NFATC3: variants seen among roughly 807,000 people sequenced by gnomAD.
The protein encoded by NFATC3 is nuclear factor of activated T-cells, cytoplasmic 3.
In NFATC3, 46 loss-of-function variants were observed where a neutral mutation model predicts 98.6. The ratio of observed to expected loss-of-function variants is 0.47; its 90% CI spans 0.37 to 0.60. NFATC3 has a LOEUF of 0.60. NFATC3 is among the 20% of genes least tolerant of loss of function. The pLI, the probability that NFATC3 is intolerant of heterozygous loss-of-function variation, is 0.00. For synonymous variants in NFATC3, 512 were observed against 472.2 expected (o/e 1.08, Z -1.09); for missense variants, 1,256 against 1,295.5 (o/e 0.97, Z 0.47).
chr16:68,118,989 T>A lies in NFATC3; in HGVS notation c.104-2998T>A, dbSNP rs1416533671. Among the ~76,000 whole-genome samples, 3 of 152,144 alleles carry A rather than the reference T, an allele frequency of 2.0e-5. No homozygotes were observed. The East Asian group carries it at 5.8e-4, about 29-fold the overall frequency. On this transcript the variant is annotated intron_variant, in intron 1 of 9. Coordinates refer to ENST00000346183, the MANE Select transcript of NFATC3 (RefSeq NM_173165.3). ...TTCACGCCATTCTCCCACCTCAGCC[T>A]CCCGAGCAGCTGGGACCACAGGCGC...
intron 1 of NFATC3, among the ~76,000 whole-genome samples, chr16:68,086,259 G>T (rs2034368452): frequency 2.0e-5 from 3 of 152,192 alleles, no homozygotes; most frequent in African/African-American, 7.2e-5. Flanking sequence ...TTTGCTAGAA[G>T]AGTAATGCTT....
intron 1 of NFATC3, among the ~76,000 whole-genome samples, chr16:68,092,040 T>C (rs755501488): frequency 2.0e-5 from 3 of 152,228 alleles, no homozygotes; most frequent in Admixed American, 1.3e-4. Flanking sequence ...GTAATTATAT[T>C]GTATGACTTT....
chr16:68,187,182 A>G (rs1318092040), intron 8 of NFATC3, among the ~76,000 whole-genome samples: 2 of 152,216 alleles, frequency 1.3e-5, no homozygotes, highest in Admixed American at 1.3e-4. Flanking sequence ...GTGAGGCTGC[A>G]GCTGGACCAG....
Position 68,190,931 on chromosome 16 carries a change from A to T in NFATC3, c.2262A>T (p.Thr754=), listed in dbSNP as rs1393737061. 1 of 1,614,122 alleles carries T rather than the reference A, an allele frequency of 6.2e-7. No homozygotes were observed. Among genetic ancestry groups the T allele is most frequent in the African/African-American group, 1.3e-5 (1 of 74,944 alleles). The change falls in exon 9 of 10, where the codon ACA becomes ACT. Residue 754 remains threonine (T), a synonymous_variant. Coordinates refer to ENST00000346183, the MANE Select transcript of NFATC3 (RefSeq NM_173165.3). Reference sequence around the variant, plus strand: ...GTTTGATTTGCTCCATCCCACAAACATATGCATCCATGGTGACCTCATCCC... The same window carrying T: ...GTTTGATTTGCTCCATCCCACAAACTTATGCATCCATGGTGACCTCATCCC... The part of the protein sequence containing the change: ...QRSLICSIPQ[T]YASMVTSSHL...
chr16:68,113,299 G>A (rs1427818711), intron 1 of NFATC3, among the ~76,000 whole-genome samples: 5 of 152,154 alleles, frequency 3.3e-5, no homozygotes, highest in Admixed American at 2.6e-4. Context: ...TGTTGTTGTT[G>A]TTGCTTTCTG....
chr16:68,190,961 G>T lies in NFATC3; in HGVS notation c.2292G>T (p.Leu764=), dbSNP rs2040403781. ...TYASMVTSSH[L]PQLQCRDESV... is the part of the protein sequence containing the mutation. The stretch of plus-strand genomic sequence containing the variant: ...CATCCATGGTGACCTCATCCCATCT[G>T]CCACAGTTGCAGTGTAGAGATGAGA... Residue 764 remains leucine (L), a synonymous_variant, in exon 9 of 10, where the codon CTG becomes CTT. Coordinates refer to ENST00000346183, the MANE Select transcript of NFATC3 (RefSeq NM_173165.3). 6.2e-7 allele frequency: 1 copy of T among 1,614,218 alleles called. No individual in the cohort carries two copies. The highest frequency in any genetic ancestry group is 1.7e-5 in the Admixed American group (1 of 60,018).
At chr16:68,211,403 G>T (rs751004972) in intron 9 of NFATC3, among the ~76,000 whole-genome samples, 6 of 151,950 alleles carry the variant, frequency 3.9e-5, no homozygotes, top group Non-Finnish European at 8.8e-5. Flanking sequence ...GGCCAGGATG[G>T]TTTCTATCTC....
At chr16:68,134,013 T>G (rs2037258569) in intron 3 of NFATC3, among the ~76,000 whole-genome samples, 1 of 152,220 alleles carries the variant, frequency 6.6e-6, no homozygotes, top group South Asian at 2.1e-4. Flanking sequence ...ATATAAAAGT[T>G]CTTATTCCTC....
At chr16:68,118,450 A>G (rs1598394596) in intron 1 of NFATC3, among the ~76,000 whole-genome samples, 1 of 152,204 alleles carries the variant, frequency 6.6e-6, no homozygotes, top group Non-Finnish European at 1.5e-5. Context: ...TGGTGAATGA[A>G]TGAGCACCTT....
At chr16:68,129,868 A>G (rs1460291647) in intron 3 of NFATC3, among the ~76,000 whole-genome samples, 1 of 151,822 alleles carries the variant, frequency 6.6e-6, no homozygotes, top group Non-Finnish European at 1.5e-5. Context: ...TTGTGGAGAC[A>G]GTCTTGATTT....
At chr16:68,160,496 A>G (rs1003147684) in intron 4 of NFATC3, among the ~76,000 whole-genome samples, 2 of 152,128 alleles carry the variant, frequency 1.3e-5, no homozygotes, top group Non-Finnish European at 2.9e-5. Context: ...TATTCTGTTA[A>G]TTACTACCAG....
intron 9 of NFATC3, among the ~76,000 whole-genome samples, chr16:68,204,004 A>G (rs2041037307): frequency 6.6e-6 from 1 of 152,058 alleles, no homozygotes. Context: ...GCTAGCCAAC[A>G]TGGTGAAACC....
intron 3 of NFATC3, among the ~76,000 whole-genome samples, chr16:68,145,965 G>A (rs902190495): frequency 2.6e-5 from 4 of 152,080 alleles, no homozygotes; most frequent in Non-Finnish European, 5.9e-5. Context: ...ATAGTTGGGG[G>A]AAACTAGGTG....
In NFATC3 at chr16:68,197,108, A is replaced by AT. The variant is rs562192793; in HGVS notation, c.3106+5342dup. Among the ~76,000 whole-genome samples the AT allele has an allele frequency of 9.8e-3, 1,479 of 151,498 alleles. 24 individuals carry two copies. Among genetic ancestry groups the AT allele is most frequent in the African/African-American group, 0.033 (1,381 of 41,340 alleles). On this transcript the variant is annotated intron_variant, in intron 9 of 9. Coordinates refer to ENST00000346183, the MANE Select transcript of NFATC3 (RefSeq NM_173165.3). ...ATAGCACTGGAATATCTCGTTTTTA[A>AT]TTTTTTTTTATTTTTTGTAGAGATG... is the stretch of plus-strand genomic sequence containing the variant.
At chr16:68,092,340 C>T (rs771155763) in intron 1 of NFATC3, among the ~76,000 whole-genome samples, 1 of 151,312 alleles carries the variant, frequency 6.6e-6, no homozygotes, top group Admixed American at 6.6e-5. Flanking sequence ...GCTGTAATCC[C>T]GGCTACTTGG....
At chr16:68,090,226 T>C (rs2034627856) in intron 1 of NFATC3, among the ~76,000 whole-genome samples, 2 of 152,088 alleles carry the variant, frequency 1.3e-5, no homozygotes, top group South Asian at 4.1e-4. Context: ...TGAGATAATG[T>C]ATTTAAAGCA....
rs183453710 is a variant in NFATC3, at chr16:68,207,182, C to T, written c.3106+15407C>T. Among the ~76,000 whole-genome samples, 755 of 151,654 alleles carry T rather than the reference C, an allele frequency of 5.0e-3. 25 individuals are homozygous for T. The highest frequency in any genetic ancestry group is 0.044 in the Admixed American group (662 of 15,186). On this transcript the variant is annotated intron_variant, in intron 9 of 9. Transcript: ENST00000346183. ...AAAATTAGTTGGGCATGGTGGTGGG[C>T]GCCTGTAATCTCAGCTACTCGGAAG...
At chr16:68,204,084 A>AG (rs2041040821) in intron 9 of NFATC3, among the ~76,000 whole-genome samples, 1 of 152,146 alleles carries the variant, frequency 6.6e-6, no homozygotes, top group Non-Finnish European at 1.5e-5. Context: ...GCTACTTGGG[A>AG]GGCTAAGGCA....
At chr16:68,117,244 A>G (rs964170512) in intron 1 of NFATC3, among the ~76,000 whole-genome samples, 2 of 152,194 alleles carry the variant, frequency 1.3e-5, no homozygotes, top group African/African-American at 4.8e-5. Flanking sequence ...TAAGTTTTAG[A>G]AAGTTTTAGC....
Sources: gnomAD v4.1 joint callset for allele counts (sites outside exome capture counted in the v4.1 genomes callset) on GRCh38, gnomAD v4.1.1 for gene constraint, MANE v1.5 for transcripts, NCBI Gene and HGNC (gene_info 2026-07-23, HGNC 2026-07-21) for gene names.